Variants in CRYZL1 observed in about 807,000 individuals in gnomAD.
CRYZL1 encodes ferry endosomal RAB5 effector complex subunit 4.
Under a neutral mutation model 50.6 loss-of-function variants are expected in CRYZL1, and 34 were observed. The ratio of observed to expected loss-of-function variants is 0.67; its 90% CI spans 0.51 to 0.89. The LOEUF (loss-of-function observed/expected upper bound fraction) is 0.89, where lower values mean the gene tolerates loss of function less well. CRYZL1 is among the 40% of genes least tolerant of loss of function. The pLI is 0.00. For missense variants in CRYZL1, 354 were observed against 402.3 expected, an observed-to-expected ratio of 0.88 and a Z score of 1.03; for synonymous variants, 125 against 134.3, an observed-to-expected ratio of 0.93 and a Z score of 0.48.
intron 4 of CRYZL1, 88 bp from the exon 5 acceptor site, chr21:33,616,838 AT>A (rs1187296319): frequency 2.5e-6 from 3 of 1,207,180 alleles, no homozygotes; most frequent in Non-Finnish European, 3.4e-6. Flanking sequence ...AAATCTGTGG[AT>A]TTGTAAAAAG....
At chr21:33,635,017 G>A (rs541144545) in intron 1 of CRYZL1, among the ~76,000 whole-genome samples, 15 of 152,006 alleles carry the variant, frequency 9.9e-5, no homozygotes, top group African/African-American at 3.4e-4. Flanking sequence ...ATTGAGAATT[G>A]TATGGGAACA....
chr21:33,618,430 A>AT (rs1372559412), intron 4 of CRYZL1, among the ~76,000 whole-genome samples: 1 of 152,170 alleles, frequency 6.6e-6, no homozygotes, highest in Non-Finnish European at 1.5e-5. Context: ...AACTCCAAAT[A>AT]TTGTTGAATG....
At position 33,616,686 on chromosome 21, in the gene CRYZL1, G is replaced by T. The variant is rs751793190; in HGVS notation, c.262+20C>A. On this transcript the variant is annotated intron_variant, in intron 5 of 12. Coordinates refer to ENST00000381554, the MANE Select transcript of CRYZL1 (RefSeq NM_145858.3). The stretch of plus-strand genomic sequence containing the variant: ...CGGTAAAATAGATGACTTGAAATAA[G>T]ACTATGAACTATAACTTACCAACTA... 1.2e-6 allele frequency: 2 copies of T among 1,609,634 alleles called. No homozygotes were observed. The highest frequency in any genetic ancestry group is 1.3e-5 in the African/African-American group (1 of 74,738).
At chr21:33,627,831 G>A (rs904559345) in intron 2 of CRYZL1, among the ~76,000 whole-genome samples, 2 of 133,240 alleles carry the variant, frequency 1.5e-5, no homozygotes, top group Non-Finnish European at 3.1e-5. Flanking sequence ...TACAAACTCC[G>A]CCTCCCGGGT....
At chr21:33,592,427 G>A (rs2145914350) in intron 11 of CRYZL1, among the ~76,000 whole-genome samples, 1 of 152,126 alleles carries the variant, frequency 6.6e-6, no homozygotes, top group East Asian at 1.9e-4. Context: ...ATGAGCCACT[G>A]CCCCCAGCCT....
intron 6 of CRYZL1, among the ~76,000 whole-genome samples, chr21:33,611,340 A>C (rs2145934872): frequency 6.6e-6 from 1 of 152,330 alleles, no homozygotes; most frequent in Middle Eastern, 3.4e-3. Context: ...CGTTCCAATA[A>C]GTGCAGCCCT....
chr21:33,608,152 G>GA (rs1467769569), intron 6 of CRYZL1, among the ~76,000 whole-genome samples: 2 of 152,040 alleles, frequency 1.3e-5, no homozygotes, highest in African/African-American at 2.4e-5. Context: ...GCAAAGAACT[G>GA]AAAATAAAAA....
intron 2 of CRYZL1, among the ~76,000 whole-genome samples, 190 bp downstream of exon 2, chr21:33,631,296 T>TA (rs1052476260): frequency 1.3e-5 from 2 of 152,102 alleles, no homozygotes; most frequent in African/African-American, 4.8e-5. Context: ...AAATAAAACT[T>TA]AAAAAATAGT....
chr21:33,606,302 T>G (rs1211558771), intron 6 of CRYZL1, among the ~76,000 whole-genome samples: 1 of 152,170 alleles, frequency 6.6e-6, no homozygotes, highest in South Asian at 2.1e-4. Flanking sequence ...CATATTTTTA[T>G]TAAAAACTCA....
chr21:33,629,454 G>A (rs539641542), intron 2 of CRYZL1, among the ~76,000 whole-genome samples: 2 of 152,248 alleles, frequency 1.3e-5, no homozygotes, highest in South Asian at 4.1e-4. Flanking sequence ...GTAGAGATGG[G>A]GTTTCACCGT....
intron 8 of CRYZL1, among the ~76,000 whole-genome samples, chr21:33,599,793 G>A (rs1218158926): frequency 6.6e-6 from 1 of 151,892 alleles, no homozygotes; most frequent in Non-Finnish European, 1.5e-5. Flanking sequence ...CACCACGCAT[G>A]GCTATTTTTT....
chr21:33,609,910 T>C (rs2086852720), intron 6 of CRYZL1, among the ~76,000 whole-genome samples: 1 of 151,266 alleles, frequency 6.6e-6, no homozygotes, highest in African/African-American at 2.4e-5. Context: ...TTCACTGTGT[T>C]AGCCAGGATG....
chr21:33,597,022 A>G (rs2086701349), intron 10 of CRYZL1, among the ~76,000 whole-genome samples: 1 of 151,970 alleles, frequency 6.6e-6, no homozygotes, highest in Non-Finnish European at 1.5e-5. Flanking sequence ...AGCCTGTGCC[A>G]CCATGCCTGG....
intron 6 of CRYZL1, among the ~76,000 whole-genome samples, chr21:33,613,204 C>T (rs1396871867): frequency 6.6e-6 from 1 of 151,792 alleles, no homozygotes; most frequent in Non-Finnish European, 1.5e-5. Context: ...TTGTTTCAGT[C>T]AATAACCAAG....
intron 6 of CRYZL1, among the ~76,000 whole-genome samples, chr21:33,608,805 A>G (rs2086840305): frequency 1.3e-5 from 2 of 152,254 alleles, no homozygotes; most frequent in Admixed American, 1.3e-4. Context: ...GGCTGTTGTG[A>G]ATAGTGCTGC....
intron 1 of CRYZL1, chr21:33,639,617 T>C (rs755167960): frequency 4.6e-5 from 7 of 152,258 alleles, no homozygotes; most frequent in Admixed American, 1.3e-4. Flanking sequence ...ACTAACATTA[T>C]TGAAGTTTGT....
At chr21:33,595,506 T>C in intron 11 of CRYZL1, 1 of 1,275,968 alleles carries the variant, frequency 7.8e-7, no homozygotes, top group Non-Finnish European at 1.1e-6. Context: ...TGTATCAACA[T>C]CTCTGTGCTT....
chr21:33,593,313 C>T (rs531497013), intron 11 of CRYZL1, among the ~76,000 whole-genome samples: 113 of 151,968 alleles, frequency 7.4e-4, no homozygotes, highest in African/African-American at 2.6e-3. Flanking sequence ...TCACCATGTT[C>T]GCCAGGATGG....
Position 33,589,899 on chromosome 21 carries a change from G to A in CRYZL1, c.973C>T (p.Pro325Ser). The change falls in exon 13 of 13, where the codon CCA becomes TCA. Residue 325 changes from proline to serine, a missense_variant. Transcript: ENST00000381554. ...ATGGAAACTTTTGCCTCATACAGTG[G>A]AATGGGTTCATCCAACTGAGGTCTG... The part of the protein sequence containing the change: ...VFRPQLDEPI[P>S]LYEAKVSMEA... 3 of 1,606,556 alleles carry A rather than the reference G, an allele frequency of 1.9e-6. No homozygotes were observed. The highest frequency in any genetic ancestry group is 2.5e-6 in the Non-Finnish European group (3 of 1,176,670).
Sources: allele counts gnomAD v4.1 joint callset (sites outside exome capture counted in the v4.1 genomes callset), GRCh38; gene constraint gnomAD v4.1.1; transcripts MANE v1.5; gene names NCBI Gene and HGNC (gene_info 2026-07-23, HGNC 2026-07-21).